Variants in ZNF527 observed in about 807,000 individuals in gnomAD.
ZNF527 encodes the protein zinc finger protein 527.
In ZNF527, 5 loss-of-function variants were observed where a neutral mutation model predicts 13.5. That is an observed-to-expected ratio of 0.37 (90% CI 0.19 to 0.78). ZNF527 has a LOEUF of 0.78. ZNF527 is among the 30% of genes least tolerant of loss of function. ZNF527 has a pLI of 0.48. For synonymous variants in ZNF527, 209 were observed against 243.1 expected, an observed-to-expected ratio of 0.86 and a Z score of 1.30; for missense variants, 628 against 726.4, an observed-to-expected ratio of 0.86 and a Z score of 1.56.
chr19:37,374,262 C>T (rs1409001542), intron 2 of ZNF527, 31 bp downstream of exon 2: 3 of 1,612,460 alleles, frequency 1.9e-6, no homozygotes, highest in East Asian at 2.2e-5. Context: ...TGTTTTCAGA[C>T]ATTTGACCTC....
chr19:37,373,787 C>T (rs1380233792), intron 1 of ZNF527, among the ~76,000 whole-genome samples: 1 of 152,112 alleles, frequency 6.6e-6, no homozygotes, highest in Non-Finnish European at 1.5e-5. Context: ...AAGTCCACAA[C>T]CCTGAAGAAG....
chr19:37,373,683 G>A (rs1175033090), intron 1 of ZNF527, among the ~76,000 whole-genome samples: 1 of 152,188 alleles, frequency 6.6e-6, no homozygotes, highest in African/African-American at 2.4e-5. Flanking sequence ...AATTTTCAGG[G>A]AAGTCCCTCT....
chr19:37,379,227 C>T lies in ZNF527; in HGVS notation c.141C>T (p.Tyr47=), dbSNP rs1268465678. The T allele has an allele frequency of 1.2e-6, 2 of 1,608,486 alleles. No homozygotes were observed. Among genetic ancestry groups the T allele is most frequent in the South Asian group, 2.2e-5 (2 of 90,004 alleles). The change falls in exon 3 of 5, where the codon TAC becomes TAT. Residue 47 remains tyrosine, a synonymous_variant. Transcript: ENST00000436120. ...ACAGAGATGTCATGTTGGAGAACTA[C>T]AGGAACTTGGTATGGCTTGGTAAGG... The part of the protein sequence containing the change: ...DLYRDVMLEN[Y]RNLVWLGLSI...
At chr19:37,378,310 G>C (rs1193627090) in intron 2 of ZNF527, among the ~76,000 whole-genome samples, 1 of 152,060 alleles carries the variant, frequency 6.6e-6, no homozygotes, top group Non-Finnish European at 1.5e-5. Flanking sequence ...TTACAGGCGT[G>C]AACCACTGCG....
rs2040766143 is a variant in ZNF527, at chr19:37,392,927, A to T, written c.*3048A>T. On this transcript the variant is annotated 3_prime_UTR_variant, in exon 5 of 5. Coordinates refer to ENST00000436120, the MANE Select transcript of ZNF527 (RefSeq NM_032453.2). ...CAACCCATTGTCTTGTGATATATTG[A>T]CCTGATCTCTTAGGATTAGTGAAAA... 1.3e-5 allele frequency: 2 copies of T among 152,176 alleles called. No individual in the cohort carries two copies. The highest frequency in any genetic ancestry group is 2.9e-5 in the Non-Finnish European group (2 of 68,028). The allele number at this position is 152,176 out of a possible 1,614,324, so 9.4% of individuals were successfully genotyped here.
Position 37,388,953 on chromosome 19 carries a change from T to A in ZNF527, c.904T>A (p.Tyr302Asn), listed in dbSNP as rs200343305. 1.7e-6 allele frequency: 2 copies of A among 1,203,910 alleles called. No homozygotes were observed. Among genetic ancestry groups the A allele is most frequent in the South Asian group, 2.6e-5 (2 of 76,412 alleles). 74.6% of individuals were successfully genotyped at this position (1,203,910 alleles called of 1,614,324 possible). A position where few individuals can be genotyped will look rare whatever the true frequency, so the allele number is the denominator to read the frequency against. ...PQRIHSGEKPYACNDCGKAFS... is the reference protein window; with the variant it reads ...PQRIHSGEKPNACNDCGKAFS... ...GAGAATTCACAGTGGAGAAAAACCATATGCATGCAATGACTGTGGAAAAGC... is the reference window on the plus strand; with the variant it reads ...GAGAATTCACAGTGGAGAAAAACCAAATGCATGCAATGACTGTGGAAAAGC... The change falls in exon 5 of 5, where the codon TAT becomes AAT. Residue 302 changes from tyrosine to asparagine, a missense_variant. By Grantham distance (143) the Tyr-to-Asn change is moderately radical. Coordinates refer to ENST00000436120, the MANE Select transcript of ZNF527 (RefSeq NM_032453.2).
At chr19:37,372,539 C>T (rs1418040472) in intron 1 of ZNF527, among the ~76,000 whole-genome samples, 1 of 124,350 alleles carries the variant, frequency 8.0e-6, no homozygotes, top group Non-Finnish European at 1.6e-5. Flanking sequence ...GTGGTGCAAT[C>T]TCGGCTCACA....
intron 2 of ZNF527, among the ~76,000 whole-genome samples, chr19:37,376,082 C>T (rs1328741333): frequency 6.6e-6 from 1 of 152,296 alleles, no homozygotes; most frequent in Admixed American, 6.5e-5. Flanking sequence ...AATCCCAGTA[C>T]TTTGGGAGGC....
intron 1 of ZNF527, among the ~76,000 whole-genome samples, chr19:37,371,766 A>T (rs956360260): frequency 6.6e-6 from 1 of 151,986 alleles, no homozygotes; most frequent in African/African-American, 2.4e-5. Flanking sequence ...CTGTTGGTGT[A>T]GTTGTATGTT....
chr19:37,386,434 G>T (rs555682422), intron 4 of ZNF527, among the ~76,000 whole-genome samples: 87 of 152,200 alleles, frequency 5.7e-4, no homozygotes, highest in South Asian at 1.2e-3. Context: ...GAACCCCCAT[G>T]CTTGGCCTCT....
intron 4 of ZNF527, chr19:37,385,539 T>C (rs1162623276): frequency 7.6e-6 from 3 of 392,354 alleles, no homozygotes; most frequent in Non-Finnish European, 1.3e-5. Context: ...AATGTTCTTT[T>C]TTTGTTCATA....
chr19:37,384,571 CA>C (rs1295119174), intron 4 of ZNF527, among the ~76,000 whole-genome samples: 1 of 151,892 alleles, frequency 6.6e-6, no homozygotes, highest in African/African-American at 2.4e-5. Context: ...TTTTAATTTA[CA>C]AGATACTCAA....
At chr19:37,373,236 T>TGA (rs375824455) in intron 1 of ZNF527, among the ~76,000 whole-genome samples, 2 of 152,078 alleles carry the variant, frequency 1.3e-5, no homozygotes, top group African/African-American at 4.8e-5. Flanking sequence ...GCTGTGTGTG[T>TGA]GAGAGAGAGA....
chr19:37,389,486 T>C lies in ZNF527; in HGVS notation c.1437T>C (p.Phe479=). Residue 479 remains phenylalanine (F), a synonymous_variant, in exon 5 of 5, where the codon TTT becomes TTC. Coordinates refer to ENST00000436120, the MANE Select transcript of ZNF527 (RefSeq NM_032453.2). The part of the protein sequence containing the change: ...PYECIKCGKF[F]RTDSQLNRHH... ...AATGCATCAAATGTGGGAAGTTTTT[T>C]AGGACTGACTCACAACTTAATCGAC... is the stretch of plus-strand genomic sequence containing the variant. 6.2e-7 allele frequency: 1 copy of C among 1,614,048 alleles called. No homozygotes were observed. The highest frequency in any genetic ancestry group is 8.5e-7 in the Non-Finnish European group (1 of 1,180,024).
rs773376937 is a variant in ZNF527, at chr19:37,388,566, C to T, written c.517C>T (p.Pro173Ser). ...ATTTAGTAATTCTGGGAGAAGCATACCCCTGAAATCAGTATTTTTAACACA... is the reference window on the plus strand; with the variant it reads ...ATTTAGTAATTCTGGGAGAAGCATATCCCTGAAATCAGTATTTTTAACACA... Reference protein sequence around the residue: ...NEFSNSGRSIPLKSVFLTQQK... With the variant: ...NEFSNSGRSISLKSVFLTQQK... Residue 173 changes from proline (P) to serine (S), a missense_variant, in exon 5 of 5, where the codon CCC (proline) becomes TCC (serine). Coordinates refer to ENST00000436120, the MANE Select transcript of ZNF527 (RefSeq NM_032453.2). 1.9e-6 allele frequency: 3 copies of T among 1,613,964 alleles called. No individual in the cohort carries two copies. The highest frequency in any genetic ancestry group is 2.5e-6 in the Non-Finnish European group (3 of 1,180,036).
In ZNF527 at chr19:37,390,066, T is replaced by C. The variant is rs1640298143; in HGVS notation, c.*187T>C. The C allele has an allele frequency of 1.4e-5, 9 of 655,336 alleles. No individual in the cohort carries two copies. The highest frequency in any genetic ancestry group is 2.1e-5 in the Non-Finnish European group (9 of 427,058). 40.6% of individuals were successfully genotyped at this position (655,336 alleles called of 1,614,324 possible). A position where few individuals can be genotyped will look rare whatever the true frequency, so the allele number is the denominator to read the frequency against. The stretch of plus-strand genomic sequence containing the variant: ...TTTTTTCAGACAGAGTCTCGCTCTG[T>C]TGCCCAGGCTGGAGTGCAGTGGTGT... On this transcript the variant is annotated 3_prime_UTR_variant, in exon 5 of 5. Transcript: ENST00000436120.
intron 2 of ZNF527, among the ~76,000 whole-genome samples, chr19:37,375,311 T>TTTCTTTCTTTCTTTTCTTTC (rs760003304): frequency 2.5e-5 from 2 of 79,836 alleles, no homozygotes; most frequent in African/African-American, 1.1e-4. Flanking sequence ...TCTTTCTTTC[T>TTTCTTTCTTTCTTTTCTTTC]TTTCTTTCTT....
rs749564405 is a variant in ZNF527 at position 37,389,092 on chromosome 19, A to G, written c.1043A>G (p.His348Arg). 1 of 1,614,170 alleles carries G rather than the reference A, an allele frequency of 6.2e-7. No homozygotes were observed. Residue 348 changes from histidine to arginine, a missense_variant, in exon 5 of 5, where the codon CAT becomes CGT. By Grantham distance (29) the His-to-Arg change is conservative. This residue lies in a region of ZNF527 where 592 missense variants were observed against 678.0 expected (regional missense o/e 0.87). Transcript: ENST00000436120. ...AFRQSAHLAQ[H>R]QRIHTGEKPF... Reference sequence around the variant, plus strand: ...AGACAGAGTGCTCACCTTGCTCAACATCAGAGGATCCACACTGGAGAGAAA... The same window carrying G: ...AGACAGAGTGCTCACCTTGCTCAACGTCAGAGGATCCACACTGGAGAGAAA...
At chr19:37,383,827 G>A (rs1480484907) in intron 4 of ZNF527, among the ~76,000 whole-genome samples, 2 of 151,834 alleles carry the variant, frequency 1.3e-5, no homozygotes, top group African/African-American at 2.4e-5. Context: ...ATGAGCCACC[G>A]TGCCCAGCCT....
Sources: gnomAD v4.1 joint callset for allele counts (sites outside exome capture counted in the v4.1 genomes callset) on GRCh38, gnomAD v4.1.1 for gene constraint, gnomAD v4.1.1 regional missense constraint, MANE v1.5 for transcripts, NCBI Gene and HGNC (gene_info 2026-07-23, HGNC 2026-07-21) for gene names.